The following VASH2 variants were observed in gnomAD, a reference collection of about 807,000 sequenced individuals.
The protein encoded by VASH2 is tubulinyl-Tyr carboxypeptidase 2.
In VASH2, 28 loss-of-function variants were observed where a neutral mutation model predicts 37.2. That is an observed-to-expected ratio of 0.75 (90% CI 0.56 to 1.03). The LOEUF is 1.03. VASH2 is among the 50% of genes least tolerant of loss of function. The pLI is 0.00. For synonymous variants in VASH2, 188 were observed against 174.7 expected (o/e 1.08, Z -0.60); for missense variants, 419 against 459.1 (o/e 0.91, Z 0.80).
At chr1:212,966,467 T>C (rs1666848835) in intron 5 of VASH2, 122 bp downstream of exon 5, 1 of 810,074 alleles carries the variant, frequency 1.2e-6, no homozygotes, top group East Asian at 2.7e-5. Flanking sequence ...TTGAGGAAAG[T>C]GTCAAACTCC....
At chr1:212,952,672 G>A (rs556147146) in intron 2 of VASH2, 1 of 152,200 alleles carries the variant, frequency 6.6e-6, no homozygotes, top group Non-Finnish European at 1.5e-5. Flanking sequence ...ATGCAAACTG[G>A]GGAGAAATGC....
rs76168977 is a variant in VASH2 at position 212,984,034 on chromosome 1, T to G, written c.996-4478T>G. Among the ~76,000 whole-genome samples the G allele has an allele frequency of 8.6e-3, 1,312 of 152,314 alleles. 47 individuals are homozygous for G. Among genetic ancestry groups the G allele is most frequent in the East Asian group, 0.068 (352 of 5,190 alleles). Reference sequence around the variant, plus strand: ...CCCGTGGGTTATGGTGAGGATTAATTAATCCACGGAAACCTCTTAGAATGA... The same window carrying G: ...CCCGTGGGTTATGGTGAGGATTAATGAATCCACGGAAACCTCTTAGAATGA... On this transcript the variant is annotated intron_variant, in intron 7 of 7. Coordinates refer to ENST00000517399, the MANE Select transcript of VASH2 (RefSeq NM_001301056.2).
intron 3 of VASH2, among the ~76,000 whole-genome samples, chr1:212,965,352 C>T (rs1666807853): frequency 6.6e-6 from 1 of 152,098 alleles, no homozygotes; most frequent in African/African-American, 2.4e-5. Flanking sequence ...TCAAGACAAG[C>T]CTGGGCAACA....
At chr1:212,955,158 T>G (rs1291291323) in intron 2 of VASH2, among the ~76,000 whole-genome samples, 2 of 152,162 alleles carry the variant, frequency 1.3e-5, no homozygotes, top group Non-Finnish European at 2.9e-5. Context: ...TGGTAAAAGC[T>G]TGGCAGGCTT....
At chr1:212,961,738 G>A (rs1448547386) in intron 3 of VASH2, among the ~76,000 whole-genome samples, 1 of 152,194 alleles carries the variant, frequency 6.6e-6, no homozygotes, top group Admixed American at 6.5e-5. Flanking sequence ...GAGTAGCTGG[G>A]ATTACAGGCA....
intron 5 of VASH2, chr1:212,968,583 G>A (rs911921167): frequency 1.0e-6 from 1 of 985,318 alleles, no homozygotes; most frequent in Non-Finnish European, 1.2e-6. Context: ...CCTTACTGAG[G>A]CCCCTCCCCA....
chr1:212,973,017 C>G, intron 6 of VASH2, 56 bp downstream of exon 6: 1 of 1,565,396 alleles, frequency 6.4e-7, no homozygotes, highest in Non-Finnish European at 8.6e-7. Flanking sequence ...CCATTCCTTT[C>G]TCTCTGTCTC....
At chr1:212,987,045 GAGA>G (rs1667498048) in intron 7 of VASH2, among the ~76,000 whole-genome samples, 1 of 152,074 alleles carries the variant, frequency 6.6e-6, no homozygotes, top group South Asian at 2.1e-4. Flanking sequence ...GAGAGAGAGA[GAGA>G]GAGAGAGAAA....
At position 212,952,258 on chromosome 1, in the gene VASH2, T is replaced by C. The variant is rs541910632; in HGVS notation, c.276+440T>C. 2.0e-5 allele frequency among the ~76,000 whole-genome samples: 3 copies of C among 152,330 alleles called. No homozygotes were observed. In the East Asian group the frequency reaches 5.8e-4, roughly 29 times the overall value. On this transcript the variant is annotated intron_variant, in intron 2 of 7. Transcript: ENST00000517399. ...CCTCTTCCCCCAGCAAATGATTTAT[T>C]AAGCTGTGAATGAATTTGAAATCAA... is the stretch of plus-strand genomic sequence containing the variant.
chr1:212,962,977 C>CTTTT (rs113122383), intron 3 of VASH2, among the ~76,000 whole-genome samples: 1,570 of 147,428 alleles, frequency 0.011, 10 homozygotes, highest in Non-Finnish European at 0.016. Context: ...CTCCCCATCT[C>CTTTT]TTTTTTTTTT....
In VASH2 at chr1:212,951,524, T is replaced by C; in HGVS notation, c.-19T>C. 1 of 1,343,782 alleles carries C rather than the reference T, an allele frequency of 7.4e-7. No homozygotes were observed. Among genetic ancestry groups the C allele is most frequent in the Non-Finnish European group, 9.6e-7 (1 of 1,042,688 alleles). The allele number at this position is 1,343,782 out of a possible 1,614,324, so 83.2% of individuals were successfully genotyped here. On this transcript the variant is annotated 5_prime_UTR_variant, in exon 2 of 8. Transcript: ENST00000517399. This position sits in a 1 kb window ranked among gnomAD's most constrained non-coding sequence, Gnocchi z 4.4. Reference sequence around the variant, plus strand: ...CCGCCGCGCGCCCCCAGTACCTCGCTCCCCGCCCAGGCCCCACCATGACCG... The same window carrying C: ...CCGCCGCGCGCCCCCAGTACCTCGCCCCCCGCCCAGGCCCCACCATGACCG...
chr1:212,973,889 A>G, intron 6 of VASH2, 66 bp from the exon 7 acceptor site: 2 of 1,560,620 alleles, frequency 1.3e-6, no homozygotes, highest in Non-Finnish European at 1.7e-6. Flanking sequence ...ATGTGGTGCT[A>G]GAAGAAGACC....
intron 2 of VASH2, among the ~76,000 whole-genome samples, chr1:212,953,934 A>G (rs2102616514): frequency 6.6e-6 from 1 of 151,944 alleles, no homozygotes; most frequent in East Asian, 1.9e-4. Flanking sequence ...TTTGGAGACA[A>G]GGCCTTCCTC....
chr1:212,955,763 G>A (rs1286600714), intron 2 of VASH2, among the ~76,000 whole-genome samples: 1 of 152,208 alleles, frequency 6.6e-6, no homozygotes, highest in Non-Finnish European at 1.5e-5. Context: ...AGACACGGGA[G>A]TGTTTGGTAC....
At chr1:212,968,743 C>T (rs1395965200) in intron 5 of VASH2, 5 of 985,308 alleles carry the variant, frequency 5.1e-6, no homozygotes, top group East Asian at 1.1e-4. Context: ...AGCTGTTCAG[C>T]GAAGCCTCCT....
chr1:212,962,444 C>T (rs1666708184), intron 3 of VASH2, among the ~76,000 whole-genome samples: 1 of 152,190 alleles, frequency 6.6e-6, no homozygotes, highest in African/African-American at 2.4e-5. Flanking sequence ...TCTGTCCATA[C>T]CCAGCCCTGA....
chr1:212,967,151 C>A (rs1048444893), intron 5 of VASH2: 2 of 1,304,482 alleles, frequency 1.5e-6, no homozygotes, highest in Non-Finnish European at 2.0e-6. Context: ...TTCTCCCACA[C>A]TTTCTGTTCC....
rs527847019 is a variant in VASH2, at chr1:212,965,826, G to A, written c.422+48G>A. The stretch of plus-strand genomic sequence containing the variant: ...GCCAGATGACCTCTCTCCTACATTC[G>A]AGCTGCCAGCTTCCTCTCCCAACCT... On this transcript the variant is annotated intron_variant, in intron 4 of 7. Transcript: ENST00000517399. The A allele has an allele frequency of 2.8e-5, 43 of 1,510,040 alleles. No individual in the cohort carries two copies. In the African/African-American group the frequency reaches 3.7e-4, roughly 13 times the overall value. 93.5% of individuals were successfully genotyped at this position (1,510,040 alleles called of 1,614,324 possible). A position where few individuals can be genotyped will look rare whatever the true frequency, so the allele number is the denominator to read the frequency against.
chr1:212,969,990 G>A lies in VASH2; in HGVS notation c.498-2590G>A, dbSNP rs565402948. On this transcript the variant is annotated intron_variant, in intron 5 of 7. Transcript: ENST00000517399. ...ATGCTTTTACATGCATGCTGGAGAG[G>A]TAGATCTTTGCTTCCAAATTATCTT... Among the ~76,000 whole-genome samples, 6 of 152,306 alleles carry A rather than the reference G, an allele frequency of 3.9e-5. No homozygotes were observed. The South Asian group carries it at 1.2e-3, about 32-fold the overall frequency.
Sources: gnomAD v4.1 joint callset for allele counts (sites outside exome capture counted in the v4.1 genomes callset) on GRCh38, gnomAD v4.1.1 for gene constraint, Gnocchi (gnomAD v3.1) non-coding constraint, MANE v1.5 for transcripts, NCBI Gene and HGNC (gene_info 2026-07-23, HGNC 2026-07-21) for gene names.